NOX1: variants seen among roughly 807,000 people sequenced by gnomAD.
NOX1 encodes NADPH oxidase 1.
A neutral mutation model predicts 42.5 loss-of-function variants in NOX1; 34 were observed. The ratio of observed to expected loss-of-function variants is 0.80; its 90% CI spans 0.61 to 1.07. The LOEUF is 1.07. Ranked by LOEUF, NOX1 falls within the 50% of genes least tolerant of loss-of-function variation. NOX1 has a pLI of 0.00. For missense variants in NOX1, 408 were observed against 427.0 expected (o/e 0.96, Z 0.39); for synonymous variants, 143 against 152.5 (o/e 0.94, Z 0.46).
chrX:100,853,971 C>A (rs2085149330), intron 7 of NOX1, among the ~76,000 whole-genome samples: 1 of 111,853 alleles, frequency 8.9e-6, no homozygotes, highest in South Asian at 3.8e-4. Context: ...GGCAAAACCC[C>A]GTCTCTACTA....
At chrX:100,853,258 C>A (rs868858790) in intron 7 of NOX1, among the ~76,000 whole-genome samples, 10 of 37,705 alleles carry the variant, frequency 2.7e-4, no homozygotes, top group African/African-American at 1.2e-3. Flanking sequence ...TCCTTCCTTC[C>A]TTCCTTTCTT....
chrX:100,852,958 C>T (rs1569445300), intron 7 of NOX1, among the ~76,000 whole-genome samples: 1 of 111,878 alleles, frequency 8.9e-6, no homozygotes, highest in African/African-American at 3.2e-5. Context: ...GGAGTGTTCA[C>T]GTGGGCATGC....
chrX:100,853,347 T>TTTCTTTCTTTCTTTCC (rs2085141121), intron 7 of NOX1, among the ~76,000 whole-genome samples: 1 of 95,600 alleles, frequency 1.0e-5, no homozygotes, highest in Non-Finnish European at 2.0e-5. Flanking sequence ...TCTTTCTTTC[T>TTTCTTTCTTTCTTTCC]TTCTTTCTTT....
At position 100,844,061 on chromosome X, in the gene NOX1, A is replaced by G; in HGVS notation, c.1586T>C (p.Phe529Ser). Residue 529 changes from phenylalanine (F) to serine (S), a missense_variant, in exon 13 of 13, where the codon TTC (phenylalanine) becomes TCC (serine). Coordinates refer to ENST00000372966, the MANE Select transcript of NOX1 (RefSeq NM_007052.5). ...TGCCAAAGTCCGAGGGCCACATAAG[A>G]AAACTCCCACTACAGACCTGTAGGA... Reference protein sequence around the residue: ...TSHPKSVVGVFLCGPRTLAKS... With the variant: ...TSHPKSVVGVSLCGPRTLAKS... 8.4e-6 allele frequency: 10 copies of G among 1,196,013 alleles called. No homozygotes were observed. The highest frequency in any genetic ancestry group is 1.0e-5 in the Non-Finnish European group (9 of 886,142).
At chrX:100,866,175 T>C (rs889995284) in intron 2 of NOX1, among the ~76,000 whole-genome samples, 8 of 107,690 alleles carry the variant, frequency 7.4e-5, no homozygotes, top group African/African-American at 2.4e-4. Flanking sequence ...TGAGCAGAGA[T>C]TGCGCCACTG....
intron 2 of NOX1, among the ~76,000 whole-genome samples, chrX:100,867,319 AAAAAAATGTTTTT>A (rs910884711): frequency 8.9e-6 from 1 of 112,313 alleles, no homozygotes; most frequent in Non-Finnish European, 1.9e-5. Context: ...AGCGCCTGGC[AAAAAAATGTTTTT>A]AAATTATGGA....
chrX:100,864,795 G>C (rs1271068644), intron 2 of NOX1, among the ~76,000 whole-genome samples: 1 of 111,919 alleles, frequency 8.9e-6, no homozygotes, highest in Non-Finnish European at 1.9e-5. Context: ...CATGAACTTG[G>C]GACTGCTATG....
Position 100,843,388 on chromosome X carries a change from C to T in NOX1, c.*564G>A, listed in dbSNP as rs1267916098. The T allele has an allele frequency of 8.8e-7, 1 of 1,133,229 alleles. No individual in the cohort carries two copies. Among genetic ancestry groups the T allele is most frequent in the Admixed American group, 2.9e-5 (1 of 34,093 alleles). 93.4% of individuals were successfully genotyped at this position (1,133,229 alleles called of 1,213,427 possible). A position where few individuals can be genotyped will look rare whatever the true frequency, so the allele number is the denominator to read the frequency against. ...AAATAAGAATAAATTGCTGTTCACA[C>T]TGGATAAGACCATATCAAAAGTGAC... On this transcript the variant is annotated 3_prime_UTR_variant, in exon 13 of 13. Coordinates refer to ENST00000372966, the MANE Select transcript of NOX1 (RefSeq NM_007052.5).
At position 100,843,837 on chromosome X, in the gene NOX1, A is replaced by C. The variant is rs1662201595; in HGVS notation, c.*115T>G. ...ATCAAAAAAAGAATACCAGGGAGTCAAGGCTTGAGAGGCACATTCTTATCC... is the reference window on the plus strand; with the variant it reads ...ATCAAAAAAAGAATACCAGGGAGTCCAGGCTTGAGAGGCACATTCTTATCC... On this transcript the variant is annotated 3_prime_UTR_variant, in exon 13 of 13. Transcript: ENST00000372966. 1.7e-6 allele frequency: 1 copy of C among 577,667 alleles called. No homozygotes were observed. Among genetic ancestry groups the C allele is most frequent in the African/African-American group, 2.3e-5 (1 of 42,669 alleles). 47.6% of individuals were successfully genotyped at this position (577,667 alleles called of 1,213,427 possible). A position where few individuals can be genotyped will look rare whatever the true frequency, so the allele number is the denominator to read the frequency against.
intron 2 of NOX1, among the ~76,000 whole-genome samples, chrX:100,868,409 T>C (rs1296387062): frequency 1.8e-5 from 2 of 111,823 alleles, no homozygotes; most frequent in Non-Finnish European, 3.8e-5. Flanking sequence ...TCAAATATGC[T>C]CTTCTAACCA....
chrX:100,867,199 A>AT (rs2085244272), intron 2 of NOX1, among the ~76,000 whole-genome samples: 1 of 110,284 alleles, frequency 9.1e-6, no homozygotes, highest in Admixed American at 9.7e-5. Context: ...CGCCTGGCTA[A>AT]TTTTTTGTAT....
At chrX:100,850,749 C>T (rs776054703) in intron 8 of NOX1, among the ~76,000 whole-genome samples, 7 of 112,139 alleles carry the variant, frequency 6.2e-5, no homozygotes, top group Non-Finnish European at 1.3e-4. Flanking sequence ...TTTGCAACCT[C>T]TGATATAGAC....
rs772598343 is a variant in NOX1, at chrX:100,857,130, T to C, written c.804+5041A>G. ...ATCACTTATAAATGAGAACATGTGA[T>C]ATTTGGTTTTCTGTTTCTACATTAG... On this transcript the variant is annotated intron_variant, in intron 7 of 12. Coordinates refer to ENST00000372966, the MANE Select transcript of NOX1 (RefSeq NM_007052.5). 2.7e-5 allele frequency among the ~76,000 whole-genome samples: 3 copies of C among 112,111 alleles called. No individual in the cohort carries two copies. The East Asian group carries it at 8.4e-4, about 31-fold the overall frequency.
intron 7 of NOX1, among the ~76,000 whole-genome samples, chrX:100,854,354 CA>C (rs1360123700): frequency 9.0e-6 from 1 of 110,964 alleles, no homozygotes; most frequent in Non-Finnish European, 1.9e-5. Flanking sequence ...ATGGAAGAAA[CA>C]AAGCAATACA....
intron 7 of NOX1, among the ~76,000 whole-genome samples, chrX:100,853,559 C>A (rs1434326089): frequency 9.5e-6 from 1 of 105,808 alleles, no homozygotes; most frequent in East Asian, 3.0e-4. Flanking sequence ...CACCACCACA[C>A]CTGGCGAATT....
intron 8 of NOX1, among the ~76,000 whole-genome samples, chrX:100,850,699 C>G (rs778879910): frequency 8.9e-6 from 1 of 112,397 alleles, no homozygotes; most frequent in East Asian, 2.8e-4. Context: ...GTGCACCAAA[C>G]AAAATATAGC....
chrX:100,872,181 G>C (rs1311989370), intron 1 of NOX1, among the ~76,000 whole-genome samples: 1 of 112,059 alleles, frequency 8.9e-6, no homozygotes, highest in Non-Finnish European at 1.9e-5. Flanking sequence ...CTTTTCCAGA[G>C]CTGAGTGTCT....
Position 100,843,458 on chromosome X carries a change from G to T in NOX1, c.*494C>A, listed in dbSNP as rs756597295. ...GGTGTTATATGGGGATGGGGTTCTCGGTAATTTTGTTTATTATTTATGTTT... is the reference window on the plus strand; with the variant it reads ...GGTGTTATATGGGGATGGGGTTCTCTGTAATTTTGTTTATTATTTATGTTT... On this transcript the variant is annotated 3_prime_UTR_variant, in exon 13 of 13. Transcript: ENST00000372966. The T allele has an allele frequency of 2.7e-6, 3 of 1,096,797 alleles. No homozygotes were observed. The highest frequency in any genetic ancestry group is 1.2e-6 in the Non-Finnish European group (1 of 845,395). The allele number at this position is 1,096,797 out of a possible 1,213,427, so 90.4% of individuals were successfully genotyped here.
chrX:100,863,275 C>T (rs755459620), intron 3 of NOX1, 32 bp from the exon 4 acceptor site: 2 of 1,097,569 alleles, frequency 1.8e-6, no homozygotes, highest in South Asian at 1.8e-5. Context: ...GGTCAGATGT[C>T]GCCAGCCAGC....
Sources: allele counts gnomAD v4.1 joint callset (sites outside exome capture counted in the v4.1 genomes callset), GRCh38; gene constraint gnomAD v4.1.1; transcripts MANE v1.5; gene names NCBI Gene and HGNC (gene_info 2026-07-23, HGNC 2026-07-21).